The following CYP4F22 variants were observed in gnomAD, a reference collection of about 807,000 sequenced individuals.
The protein encoded by CYP4F22 is ultra-long-chain fatty acid omega-hydroxylase.
CYP4F22 carries 37 observed loss-of-function variants against 60.4 expected under a neutral mutation model. That is an observed-to-expected ratio of 0.61 (90% CI 0.47 to 0.81). The LOEUF is 0.81. Ranked by LOEUF, CYP4F22 falls within the 30% of genes least tolerant of loss-of-function variation. The probability of loss-of-function intolerance (pLI) is 0.00; values close to 1 mark genes in which losing one functional copy is unlikely to be tolerated. For synonymous variants in CYP4F22, 258 were observed against 280.5 expected (o/e 0.92, Z 0.80); for missense variants, 655 against 715.0 (o/e 0.92, Z 0.96).
At chr19:15,512,354 TAG>T (rs1971102004) in intron 1 of CYP4F22, among the ~76,000 whole-genome samples, 1 of 152,174 alleles carries the variant, frequency 6.6e-6, no homozygotes, top group Admixed American at 6.6e-5. Context: ...GTTTTTGAGA[TAG>T]AGTCTCACTC....
At chr19:15,540,204 T>C (rs985753784) in intron 7 of CYP4F22, among the ~76,000 whole-genome samples, 24 of 151,942 alleles carry the variant, frequency 1.6e-4, no homozygotes, top group Non-Finnish European at 2.6e-4. Context: ...AGGCCAAGGC[T>C]GGAGGATCAC....
At chr19:15,543,263 G>A (rs574162999) in intron 8 of CYP4F22, among the ~76,000 whole-genome samples, 1 of 152,176 alleles carries the variant, frequency 6.6e-6, no homozygotes, top group South Asian at 2.1e-4. Context: ...GCAGTGATGC[G>A]GTCATGGTTC....
In CYP4F22 at chr19:15,528,263, G is replaced by A. The variant is rs150026848; in HGVS notation, c.223-1446G>A. Among the ~76,000 whole-genome samples, 441 of 152,152 alleles carry A rather than the reference G, an allele frequency of 2.9e-3. 2 individuals are homozygous for A. The highest frequency in any genetic ancestry group is 0.01 in the African/African-American group (417 of 41,508). ...AGCCCGGGAGTTTGAGACCAGCTTG[G>A]GCAACATAGCAAGACCCAGTTTTTA... On this transcript the variant is annotated intron_variant, in intron 3 of 13. Transcript: ENST00000269703.
At chr19:15,517,982 G>C (rs1971174436) in intron 1 of CYP4F22, among the ~76,000 whole-genome samples, 4 of 152,134 alleles carry the variant, frequency 2.6e-5, no homozygotes, top group Admixed American at 2.6e-4. Context: ...AGGGTGGTGG[G>C]AGACAGGGCT....
At chr19:15,529,133 A>ATTT (rs60549680) in intron 3 of CYP4F22, among the ~76,000 whole-genome samples, 1,260 of 100,684 alleles carry the variant, frequency 0.013, 17 homozygotes, top group African/African-American at 0.035. Context: ...ATTTTATTTT[A>ATTT]TTTTTTTTTT....
chr19:15,547,885 C>T (rs1029714070), intron 10 of CYP4F22, among the ~76,000 whole-genome samples: 28 of 151,558 alleles, frequency 1.8e-4, no homozygotes, highest in Admixed American at 5.3e-4. Flanking sequence ...ATTAGTACTT[C>T]CCACCTGTGC....
chr19:15,534,429 C>T (rs767926269), intron 4 of CYP4F22, among the ~76,000 whole-genome samples: 1 of 152,122 alleles, frequency 6.6e-6, no homozygotes, highest in Non-Finnish European at 1.5e-5. Context: ...GTATTTCGTA[C>T]ACCGTCTCAT....
intron 11 of CYP4F22, 126 bp downstream of exon 11, chr19:15,548,367 G>A: frequency 7.0e-7 from 1 of 1,428,624 alleles, no homozygotes; most frequent in Non-Finnish European, 9.7e-7. Context: ...AGCTCTCTGT[G>A]TGCCTGTTGC....
chr19:15,534,979 G>T (rs1971380436), intron 4 of CYP4F22, among the ~76,000 whole-genome samples: 2 of 152,190 alleles, frequency 1.3e-5, no homozygotes, highest in African/African-American at 4.8e-5. Context: ...CAAAGTGAAT[G>T]AACTTGTACT....
At position 15,529,846 on chromosome 19, in the gene CYP4F22, A is replaced by T. The variant is rs1971323416; in HGVS notation, c.360A>T (p.Gly120=). 1.2e-6 allele frequency: 2 copies of T among 1,613,972 alleles called. No homozygotes were observed. The highest frequency in any genetic ancestry group is 1.7e-6 in the Non-Finnish European group (2 of 1,180,010). The change falls in exon 4 of 14, where the codon GGA becomes GGT. Residue 120 remains glycine, a synonymous_variant. Transcript: ENST00000269703. ...CTGATTACATCAAACCCCTTTTGGG[A>T]GCCTCAGGTACGTGGGCTGGGCCTC... ...VHPDYIKPLL[G]ASAAIAPKDD... is the part of the protein sequence containing the mutation.
At chr19:15,509,854 C>CTCCCT (rs1427758908) in intron 1 of CYP4F22, among the ~76,000 whole-genome samples, 1 of 110,076 alleles carries the variant, frequency 9.1e-6, no homozygotes, top group Non-Finnish European at 1.9e-5. Context: ...GGACCCATCT[C>CTCCCT]TCCTTCCTTC....
intron 3 of CYP4F22, among the ~76,000 whole-genome samples, chr19:15,527,037 C>T (rs1774572787): frequency 6.6e-6 from 1 of 152,122 alleles, no homozygotes; most frequent in South Asian, 2.1e-4. Flanking sequence ...CTCTCTGATG[C>T]CTCTACTTTC....
intron 11 of CYP4F22, among the ~76,000 whole-genome samples, chr19:15,548,461 C>T (rs1266000375): frequency 2.0e-5 from 3 of 152,044 alleles, no homozygotes; most frequent in Admixed American, 6.6e-5. Flanking sequence ...GAGGCAGTGT[C>T]GCAGGGATGG....
chr19:15,521,987 A>G (rs1234344231), intron 1 of CYP4F22, among the ~76,000 whole-genome samples: 2 of 152,116 alleles, frequency 1.3e-5, no homozygotes, highest in African/African-American at 4.8e-5. Flanking sequence ...TCTGCTAAAA[A>G]TACAAAAATT....
At chr19:15,515,041 C>CA (rs1265984002) in intron 1 of CYP4F22, among the ~76,000 whole-genome samples, 1 of 152,160 alleles carries the variant, frequency 6.6e-6, no homozygotes, top group Non-Finnish European at 1.5e-5. Context: ...GGAAGGTGCC[C>CA]AGGGCGTGGA....
rs964414398 is a variant in CYP4F22 at position 15,548,826 on chromosome 19, G to A, written c.1271-312G>A. Reference sequence around the variant, plus strand: ...AAGGCCTTGAGTGCCAGGTGATGGCGCTTGAACTCAATCCTGGGGGCAGCA... The same window carrying A: ...AAGGCCTTGAGTGCCAGGTGATGGCACTTGAACTCAATCCTGGGGGCAGCA... On this transcript the variant is annotated intron_variant, in intron 11 of 13. Transcript: ENST00000269703. Among the ~76,000 whole-genome samples the A allele has an allele frequency of 3.9e-5, 6 of 152,158 alleles. No individual in the cohort carries two copies. In the East Asian group the frequency reaches 5.8e-4, roughly 15 times the overall value.
intron 1 of CYP4F22, among the ~76,000 whole-genome samples, chr19:15,520,161 G>A (rs1378668693): frequency 1.3e-5 from 2 of 151,906 alleles, no homozygotes; most frequent in Admixed American, 1.3e-4. Context: ...TGGTTAACAC[G>A]GTGAAACCCC....
chr19:15,509,151 G>T (rs913633077), intron 1 of CYP4F22, among the ~76,000 whole-genome samples: 7 of 152,174 alleles, frequency 4.6e-5, no homozygotes, highest in Non-Finnish European at 1.0e-4. Context: ...CTGGCCCCGA[G>T]AGTTGGCTCT....
intron 4 of CYP4F22, among the ~76,000 whole-genome samples, chr19:15,532,480 T>G (rs2144521828): frequency 6.6e-6 from 1 of 152,002 alleles, no homozygotes. Flanking sequence ...GTTCAAGTGA[T>G]TCTCCTGTCT....
Sources: allele counts gnomAD v4.1 joint callset (sites outside exome capture counted in the v4.1 genomes callset), GRCh38; gene constraint gnomAD v4.1.1; transcripts MANE v1.5; gene names NCBI Gene and HGNC (gene_info 2026-07-23, HGNC 2026-07-21).